The following PSORS1C1 variants were observed in gnomAD, a reference collection of about 807,000 sequenced individuals.
PSORS1C1 encodes psoriasis susceptibility 1 candidate 1, also known as psoriasis susceptibility 1 candidate gene 1 protein.
Under a neutral mutation model 9.4 loss-of-function variants are expected in PSORS1C1, and 7 were observed. The ratio of observed to expected loss-of-function variants is 0.75; its 90% CI spans 0.42 to 1.40. The LOEUF is 1.40. Ranked by LOEUF, PSORS1C1 falls within the 40% of genes most tolerant of loss-of-function variation. The probability of loss-of-function intolerance (pLI) is 0.01; values close to 1 mark genes in which losing one functional copy is unlikely to be tolerated. For missense variants in PSORS1C1, 146 were observed against 178.1 expected, an observed-to-expected ratio of 0.82 and a Z score of 1.02; for synonymous variants, 63 against 69.4, an observed-to-expected ratio of 0.91 and a Z score of 0.46.
At chr6:31,130,416 T>C (rs13212168) in intron 3 of PSORS1C1, among the ~76,000 whole-genome samples, 32,780 of 107,356 alleles carry the variant, frequency 0.31, 4,100 homozygotes, top group African/African-American at 0.46. Context: ...GCTAATTGTT[T>C]GTTTTTTTTT....
chr6:31,126,494 G>A (rs901360202), intron 2 of PSORS1C1, among the ~76,000 whole-genome samples: 2 of 151,844 alleles, frequency 1.3e-5, no homozygotes, highest in Non-Finnish European at 2.9e-5. Context: ...GGCGGTGCTC[G>A]GCTCTACCTT....
Position 31,138,721 on chromosome 6 carries a change from C to T in PSORS1C1, c.109C>T (p.Arg37Cys), listed in dbSNP as rs540640358. ...LNTDPSSEET[R>C]PPHVNPDRLC... The stretch of plus-strand genomic sequence containing the variant: ...CACAGATCCCAGCTCCGAGGAAACT[C>T]GTCCCCCCCACGTTAATCCTGACCG... The change falls in exon 5 of 6, where the codon CGT becomes TGT. Residue 37 changes from arginine to cysteine, a missense_variant. By Grantham distance (180) the Arg-to-Cys change is radical. Transcript: ENST00000259881. The T allele has an allele frequency of 1.4e-5, 22 of 1,590,254 alleles. No individual in the cohort carries two copies. Among genetic ancestry groups the T allele is most frequent in the Admixed American group, 5.2e-5 (3 of 58,114 alleles).
chr6:31,121,170 G>A (rs979291162), intron 1 of PSORS1C1, among the ~76,000 whole-genome samples: 1 of 138,120 alleles, frequency 7.2e-6, no homozygotes, highest in Non-Finnish European at 1.5e-5. Context: ...ATGGTGGCGG[G>A]GGTGGGGGGG....
intron 2 of PSORS1C1, among the ~76,000 whole-genome samples, chr6:31,127,203 T>C (rs1772718345): frequency 6.6e-6 from 1 of 152,184 alleles, no homozygotes; most frequent in Non-Finnish European, 1.5e-5. Context: ...GAGGGACTTC[T>C]AGGCTGGGCT....
intron 3 of PSORS1C1, chr6:31,138,188 G>A (rs750292368): frequency 1.9e-6 from 3 of 1,578,268 alleles, no homozygotes; most frequent in Non-Finnish European, 2.6e-6. Flanking sequence ...CAAAGAGAGG[G>A]GGTGCCCCTG....
intron 2 of PSORS1C1, among the ~76,000 whole-genome samples, chr6:31,127,469 C>T (rs9263707): frequency 0.053 from 8,000 of 152,108 alleles, 305 homozygotes; most frequent in South Asian, 0.12. Flanking sequence ...AGACCGGCGC[C>T]GACTCCTTGG....
At chr6:31,120,077 A>G (rs1460172157) in intron 1 of PSORS1C1, among the ~76,000 whole-genome samples, 1 of 152,126 alleles carries the variant, frequency 6.6e-6, no homozygotes, top group Non-Finnish European at 1.5e-5. Context: ...AACCTCTAGA[A>G]TTTCCAAAGT....
intron 2 of PSORS1C1, among the ~76,000 whole-genome samples, chr6:31,127,697 C>T (rs1581854611): frequency 1.3e-5 from 2 of 151,742 alleles, no homozygotes; most frequent in South Asian, 2.1e-4. Flanking sequence ...ACTTGTAATC[C>T]CAGCTACCCG....
At chr6:31,137,973 G>C (rs1405547167) in intron 3 of PSORS1C1, 2 of 1,499,880 alleles carry the variant, frequency 1.3e-6, no homozygotes, top group African/African-American at 2.8e-5. Flanking sequence ...TTCCCGGGGT[G>C]GGTCTAGGTC....
chr6:31,136,046 C>T (rs965726461), intron 3 of PSORS1C1, among the ~76,000 whole-genome samples: 7 of 148,214 alleles, frequency 4.7e-5, no homozygotes, highest in Non-Finnish European at 1.0e-4. Flanking sequence ...GATGGAGACC[C>T]TGTCTCAAAC....
chr6:31,129,378 T>C (rs1772811734), intron 2 of PSORS1C1, among the ~76,000 whole-genome samples, 191 bp from the exon 3 acceptor site: 1 of 152,196 alleles, frequency 6.6e-6, no homozygotes, highest in Non-Finnish European at 1.5e-5. Flanking sequence ...CTAATCTGAA[T>C]GGATAAGCCA....
chr6:31,137,975 G>A (rs146136766), intron 3 of PSORS1C1: 36 of 1,508,300 alleles, frequency 2.4e-5, no homozygotes, highest in Non-Finnish European at 3.2e-5. Flanking sequence ...CCCGGGGTGG[G>A]TCTAGGTCTG....
intron 5 of PSORS1C1, 129 bp downstream of exon 5, chr6:31,138,908 C>A: frequency 6.2e-7 from 1 of 1,600,792 alleles, no homozygotes; most frequent in Non-Finnish European, 8.6e-7. Context: ...TCCAGTTCAC[C>A]TCCGCCATCT....
At chr6:31,137,848 TAAG>T (rs1304096324) in intron 3 of PSORS1C1, 2 of 549,070 alleles carry the variant, frequency 3.6e-6, no homozygotes, top group African/African-American at 1.9e-5. Context: ...GGAAGAGGTT[TAAG>T]GAGACAGGCT....
chr6:31,127,755 A>C (rs1160592139), intron 2 of PSORS1C1, among the ~76,000 whole-genome samples: 1 of 151,940 alleles, frequency 6.6e-6, no homozygotes, highest in Non-Finnish European at 1.5e-5. Context: ...TAGAGGTTGC[A>C]GTGAGCTGAG....
chr6:31,134,451 G>T (rs540026601), intron 3 of PSORS1C1, among the ~76,000 whole-genome samples: 11 of 151,170 alleles, frequency 7.3e-5, no homozygotes, highest in African/African-American at 1.5e-4. Context: ...TACAGGCGCC[G>T]GCCACCATGC....
intron 1 of PSORS1C1, chr6:31,117,110 G>A (rs1772185882): frequency 6.2e-7 from 1 of 1,614,028 alleles, no homozygotes; most frequent in Non-Finnish European, 8.5e-7. Flanking sequence ...TTCCCTACTT[G>A]GAAGCTGCTG....
At chr6:31,116,632 T>C (rs776906131) in intron 1 of PSORS1C1, 2 of 1,612,982 alleles carry the variant, frequency 1.2e-6, no homozygotes, top group East Asian at 2.2e-5. Context: ...TTTCACAGGG[T>C]TCTCTTTGGT....
intron 3 of PSORS1C1, among the ~76,000 whole-genome samples, chr6:31,130,957 A>G (rs3132541): frequency 6.6e-6 from 1 of 151,614 alleles, no homozygotes; most frequent in African/African-American, 2.4e-5. Flanking sequence ...CCTCTGGAAT[A>G]GCTGGGATTA....
Sources: allele counts gnomAD v4.1 joint callset (sites outside exome capture counted in the v4.1 genomes callset), GRCh38; gene constraint gnomAD v4.1.1; transcripts MANE v1.5; gene names NCBI Gene and HGNC (gene_info 2026-07-23, HGNC 2026-07-21).